Variants in CCPG1 observed in about 807,000 individuals in gnomAD.
CCPG1 encodes the protein cell cycle progression protein 1.
In CCPG1, 46 loss-of-function variants were observed where a neutral mutation model predicts 81.3. The ratio of observed to expected loss-of-function variants is 0.57; its 90% CI spans 0.45 to 0.72. The LOEUF (loss-of-function observed/expected upper bound fraction) is 0.72. CCPG1 is among the 30% of genes least tolerant of loss of function. The pLI is 0.00. For missense variants in CCPG1, 902 were observed against 937.6 expected, an observed-to-expected ratio of 0.96 and a Z score of 0.50; for synonymous variants, 330 against 305.2, an observed-to-expected ratio of 1.08 and a Z score of -0.85.
rs749090365 is a variant in CCPG1, at chr15:55,377,012, A to G, written c.391T>C (p.Ser131Pro). The change falls in exon 5 of 9, where the codon TCA becomes CCA. Residue 131 changes from serine (S) to proline (P), a missense_variant. Physicochemically the swap from Ser to Pro is moderately conservative, Grantham distance 74. Transcript: ENST00000442196. ...EVVIVEEAQSSEDFNMGSSSS... is the reference protein window; with the variant it reads ...EVVIVEEAQSPEDFNMGSSSS... ...GAAGAGCCCATGTTAAAGTCTTCTG[A>G]ACTCTGTGCTTCTTCAACAATGACA... 3 of 1,613,892 alleles carry G rather than the reference A, an allele frequency of 1.9e-6. No homozygotes were observed. In the East Asian group the frequency reaches 6.7e-5, roughly 36 times the overall value.
intron 8 of CCPG1, chr15:55,359,082 A>G (rs1389236997): frequency 1.0e-6 from 1 of 984,934 alleles, no homozygotes; most frequent in African/African-American, 1.7e-5. Context: ...CATGGAATGG[A>G]CAAGTGAAAA....
intron 1 of CCPG1, among the ~76,000 whole-genome samples, chr15:55,393,652 C>G (rs943579196): frequency 1.4e-4 from 22 of 152,038 alleles, no homozygotes; most frequent in African/African-American, 4.8e-4. Context: ...TATTTGGATG[C>G]AAGGTCTCAC....
At chr15:55,357,173 A>G (rs375656777) in intron 8 of CCPG1, 4 of 931,346 alleles carry the variant, frequency 4.3e-6, no homozygotes, top group East Asian at 2.3e-4. Flanking sequence ...TCCAAACACA[A>G]TTCTCATCTC....
At position 55,356,814 on chromosome 15, in the gene CCPG1, A is replaced by T. The variant is rs996100703; in HGVS notation, c.2235-405T>A. 2.9e-5 allele frequency: 29 copies of T among 991,292 alleles called. No individual in the cohort carries two copies. The African/African-American group carries it at 4.7e-4, about 16-fold the overall frequency. The allele number at this position is 991,292 out of a possible 1,614,324, so 61.4% of individuals were successfully genotyped here. On this transcript the variant is annotated intron_variant, in intron 8 of 8. Transcript: ENST00000442196. ...AACAAAAGTCTCAACTTTTTCTTAC[A>T]GCAAAAGCTCACAACACCTACACCG...
chr15:55,377,699 T>G (rs1052849653), intron 4 of CCPG1, among the ~76,000 whole-genome samples: 1 of 152,232 alleles, frequency 6.6e-6, no homozygotes, highest in African/African-American at 2.4e-5. Context: ...AAGGTCTTTA[T>G]AAAACAGGCT....
At chr15:55,361,236 C>T (rs1021909567) in intron 7 of CCPG1, among the ~76,000 whole-genome samples, 10 of 150,952 alleles carry the variant, frequency 6.6e-5, no homozygotes, top group Admixed American at 6.6e-5. Flanking sequence ...GGCGCAATCT[C>T]GGCTCACTAT....
chr15:55,381,002 T>G (rs2056678576), intron 3 of CCPG1, among the ~76,000 whole-genome samples: 1 of 151,524 alleles, frequency 6.6e-6, no homozygotes, highest in Admixed American at 6.6e-5. Context: ...CCGAGCGTGG[T>G]GGTGGGCACC....
At chr15:55,362,769 C>G (rs1260278526) in intron 7 of CCPG1, among the ~76,000 whole-genome samples, 2 of 152,208 alleles carry the variant, frequency 1.3e-5, no homozygotes, top group African/African-American at 4.8e-5. Flanking sequence ...TAGCTGGGCA[C>G]AGTGGCTCAA....
chr15:55,385,709 T>C lies in CCPG1; in HGVS notation c.66A>G (p.Ser22=). The C allele has an allele frequency of 1.9e-6, 3 of 1,566,606 alleles. No homozygotes were observed. The highest frequency in any genetic ancestry group is 2.6e-6 in the Non-Finnish European group (3 of 1,137,084). The change falls in exon 3 of 9, where the codon TCA becomes TCG. Residue 22 remains serine, a synonymous_variant. Coordinates refer to ENST00000442196, the MANE Select transcript of CCPG1 (RefSeq NM_001204450.2). ...TCACAGAATTCAACATTTCTATATC[T>C]GACCCCTAAGGAAAAGTGATAATCT... is the stretch of plus-strand genomic sequence containing the variant. ...CGWTVISHEG[S]DIEMLNSVTP...
chr15:55,398,509 C>T (rs1359416314), intron 1 of CCPG1, among the ~76,000 whole-genome samples: 1 of 152,034 alleles, frequency 6.6e-6, no homozygotes, highest in African/African-American at 2.4e-5. Flanking sequence ...TTCACCTCCG[C>T]CAAAGGATAT....
chr15:55,391,366 T>C (rs936241488), intron 1 of CCPG1, among the ~76,000 whole-genome samples: 4 of 152,218 alleles, frequency 2.6e-5, no homozygotes, highest in Admixed American at 2.0e-4. Context: ...TCCGCCCTCC[T>C]CAGCTTCCCA....
At chr15:55,357,090 C>G (rs2056094417) in intron 8 of CCPG1, 1 of 975,132 alleles carries the variant, frequency 1.0e-6, no homozygotes, top group Admixed American at 6.2e-5. Context: ...GATAAATATA[C>G]AGTCTCGGCA....
intron 7 of CCPG1, 42 bp downstream of exon 7, chr15:55,365,146 T>C (rs765275386): frequency 8.3e-7 from 1 of 1,207,474 alleles, no homozygotes; most frequent in South Asian, 1.4e-5. Flanking sequence ...ATAAGCAAAA[T>C]AATTACTAAC....
intron 1 of CCPG1, among the ~76,000 whole-genome samples, chr15:55,396,327 G>C (rs1398423084): frequency 6.6e-6 from 1 of 152,044 alleles, no homozygotes; most frequent in South Asian, 2.1e-4. Flanking sequence ...GAAATCATAC[G>C]GTTATAAAAA....
At chr15:55,386,384 T>A (rs1288588518) in intron 2 of CCPG1, among the ~76,000 whole-genome samples, 1 of 152,220 alleles carries the variant, frequency 6.6e-6, no homozygotes, top group Non-Finnish European at 1.5e-5. Flanking sequence ...CTTTTTATTC[T>A]GAGGTTATCT....
At chr15:55,365,369 G>A (rs1309725595) in intron 6 of CCPG1, 60 bp from the exon 7 acceptor site, 1 of 959,436 alleles carries the variant, frequency 1.0e-6, no homozygotes, top group South Asian at 1.6e-5. Context: ...AATGTTTTAT[G>A]TATTTTTTAA....
chr15:55,395,394 A>G (rs1045697314), intron 1 of CCPG1, among the ~76,000 whole-genome samples: 2 of 152,194 alleles, frequency 1.3e-5, no homozygotes, highest in African/African-American at 4.8e-5. Flanking sequence ...GAGATCTTCA[A>G]ATGATAATCT....
chr15:55,359,913 T>C lies in CCPG1; in HGVS notation c.1860A>G (p.Glu620=). ...KKCSPGHDCR[E]NSHSFRKACS... ...AAGCCTTTCTGAAAGAATGAGAATT[T>C]TCTCTACAATCATGCCCAGGACTGC... The change falls in exon 8 of 9, where the codon GAA becomes GAG. Residue 620 remains glutamate (E), a synonymous_variant. Coordinates refer to ENST00000442196, the MANE Select transcript of CCPG1 (RefSeq NM_001204450.2). The C allele has an allele frequency of 6.2e-7, 1 of 1,613,786 alleles. No individual in the cohort carries two copies. The highest frequency in any genetic ancestry group is 8.5e-7 in the Non-Finnish European group (1 of 1,179,984).
chr15:55,395,633 A>G (rs563820332), intron 1 of CCPG1, among the ~76,000 whole-genome samples: 1 of 152,076 alleles, frequency 6.6e-6, no homozygotes, highest in Non-Finnish European at 1.5e-5. Context: ...TGCTTGTCTC[A>G]GCTAACGGTT....
Sources: allele counts gnomAD v4.1 joint callset (sites outside exome capture counted in the v4.1 genomes callset), GRCh38; gene constraint gnomAD v4.1.1; transcripts MANE v1.5; gene names NCBI Gene and HGNC (gene_info 2026-07-23, HGNC 2026-07-21).